Variants in PRKCE observed in about 807,000 individuals in gnomAD.
The protein encoded by PRKCE is protein kinase C epsilon type.
In PRKCE, 16 loss-of-function variants were observed where a neutral mutation model predicts 85.4. That is an observed-to-expected ratio of 0.19 (90% CI 0.13 to 0.28). PRKCE has a LOEUF of 0.28. PRKCE is among the 10% of genes least tolerant of loss of function. The pLI is 1.00. For synonymous variants in PRKCE, 388 were observed against 371.5 expected (o/e 1.04, Z -0.51); for missense variants, 573 against 975.2 (o/e 0.59, Z 5.49).
intron 6 of PRKCE, among the ~76,000 whole-genome samples, chr2:45,996,063 A>C (rs1040612739): frequency 1.6e-4 from 24 of 152,174 alleles, no homozygotes; most frequent in African/African-American, 5.5e-4. Context: ...CTACTTATAT[A>C]GATCTTGTAC....
chr2:45,700,871 C>A (rs1385696552), intron 1 of PRKCE, among the ~76,000 whole-genome samples: 1 of 152,136 alleles, frequency 6.6e-6, no homozygotes, highest in Non-Finnish European at 1.5e-5. Flanking sequence ...CCCGTGAGGA[C>A]AGACACAGAG....
At chr2:46,014,872 T>A (rs963654101) in intron 10 of PRKCE, among the ~76,000 whole-genome samples, 2 of 152,236 alleles carry the variant, frequency 1.3e-5, no homozygotes, top group African/African-American at 4.8e-5. Flanking sequence ...CTAGAAATTA[T>A]TTCCAAATCT....
chr2:45,976,480 A>G lies in PRKCE; in HGVS notation c.464A>G (p.Lys155Arg), dbSNP rs1352359034. The G allele has an allele frequency of 6.3e-7, 1 of 1,599,696 alleles. No homozygotes were observed. Among genetic ancestry groups the G allele is most frequent in the South Asian group, 1.1e-5 (1 of 91,080 alleles). ...RVFRERMRPR[K>R]RQGAVRRRVH... Reference sequence around the variant, plus strand: ...TTCAGGGAACGCATGCGGCCGAGGAAGCGGCAGGGGGCCGTCAGGCGCAGG... The same window carrying G: ...TTCAGGGAACGCATGCGGCCGAGGAGGCGGCAGGGGGCCGTCAGGCGCAGG... The change falls in exon 3 of 15, where the codon AAG becomes AGG. Residue 155 changes from lysine to arginine, a missense_variant. Transcript: ENST00000306156.
intron 1 of PRKCE, among the ~76,000 whole-genome samples, chr2:45,744,971 C>G (rs1191695197): frequency 6.6e-6 from 1 of 152,130 alleles, no homozygotes; most frequent in Non-Finnish European, 1.5e-5. Flanking sequence ...GCTCTGAAAT[C>G]TGTATTTTTC....
intron 10 of PRKCE, among the ~76,000 whole-genome samples, chr2:46,022,754 A>C (rs1358818158): frequency 6.6e-6 from 1 of 152,254 alleles, no homozygotes. Flanking sequence ...CAGAAGGTTC[A>C]ATAAATTCTA....
chr2:46,067,414 G>A (rs1450051795), intron 10 of PRKCE, among the ~76,000 whole-genome samples: 6 of 152,230 alleles, frequency 3.9e-5, no homozygotes, highest in Non-Finnish European at 5.9e-5. Flanking sequence ...GGCGCTACCT[G>A]GAAGGCAGAG....
At chr2:45,860,773 C>G (rs1278490481) in intron 2 of PRKCE, among the ~76,000 whole-genome samples, 1 of 152,138 alleles carries the variant, frequency 6.6e-6, no homozygotes, top group African/African-American at 2.4e-5. Context: ...ATGGTACACT[C>G]TTGGGGAACA....
At chr2:46,011,174 T>G (rs1705639973) in intron 10 of PRKCE, among the ~76,000 whole-genome samples, 1 of 152,346 alleles carries the variant, frequency 6.6e-6, no homozygotes, top group South Asian at 2.1e-4. Context: ...TTATCCTTTT[T>G]GAGGGGTTGG....
At chr2:45,727,877 A>G (rs944826664) in intron 1 of PRKCE, among the ~76,000 whole-genome samples, 2 of 151,824 alleles carry the variant, frequency 1.3e-5, no homozygotes, top group Non-Finnish European at 2.9e-5. Flanking sequence ...CTGGTCTCAA[A>G]CTCCTGACCT....
intron 2 of PRKCE, among the ~76,000 whole-genome samples, chr2:45,957,292 T>A (rs1701036817): frequency 6.6e-6 from 1 of 152,258 alleles, no homozygotes; most frequent in Admixed American, 6.5e-5. Flanking sequence ...TTGAGTTCAT[T>A]TTTGTAGAAG....
At chr2:45,932,036 T>C in intron 2 of PRKCE, among the ~76,000 whole-genome samples, 1 of 152,182 alleles carries the variant, frequency 6.6e-6, no homozygotes, top group Non-Finnish European at 1.5e-5. Context: ...ATTTTTAAGA[T>C]GCTGGGTGAC....
At chr2:45,670,833 A>G (rs1676124950) in intron 1 of PRKCE, among the ~76,000 whole-genome samples, 2 of 152,126 alleles carry the variant, frequency 1.3e-5, no homozygotes, top group African/African-American at 2.4e-5. Flanking sequence ...CTGCCTGACT[A>G]CTCCTTAGTA....
chr2:46,097,519 C>CAAAAAAAAAAAAAAAAAGAAAAAA (rs1670815403), intron 11 of PRKCE, among the ~76,000 whole-genome samples: 1 of 94,124 alleles, frequency 1.1e-5, no homozygotes, highest in African/African-American at 4.5e-5. Flanking sequence ...GACTCCGTCT[C>CAAAAAAAAAAAAAAAAAGAAAAAA]AAAAAAAAAA....
intron 11 of PRKCE, among the ~76,000 whole-genome samples, chr2:46,091,950 A>G (rs1377971342): frequency 4.6e-5 from 7 of 152,236 alleles, no homozygotes; most frequent in Admixed American, 3.9e-4. Context: ...AGTAGTAGTC[A>G]TAGGAAAAAT....
intron 1 of PRKCE, among the ~76,000 whole-genome samples, chr2:45,719,513 C>T (rs1030748623): frequency 6.6e-6 from 1 of 152,052 alleles, no homozygotes; most frequent in Admixed American, 6.6e-5. Flanking sequence ...AAAGCAATGG[C>T]GGGCAGTTGG....
At chr2:45,947,803 T>A (rs1700342797) in intron 2 of PRKCE, among the ~76,000 whole-genome samples, 1 of 152,236 alleles carries the variant, frequency 6.6e-6, no homozygotes, top group African/African-American at 2.4e-5. Context: ...AATTAAAACG[T>A]TTCTTTAGGA....
intron 1 of PRKCE, among the ~76,000 whole-genome samples, chr2:45,731,658 CTG>C (rs1292598386): frequency 1.5e-5 from 2 of 131,946 alleles, no homozygotes; most frequent in Admixed American, 8.6e-5. Context: ...GGGTCTCACT[CTG>C]TTGCCCAGGA....
chr2:45,696,350 C>CT (rs1223031032), intron 1 of PRKCE, among the ~76,000 whole-genome samples: 8 of 151,908 alleles, frequency 5.3e-5, no homozygotes, highest in South Asian at 2.1e-4. Flanking sequence ...GGAATAAAGC[C>CT]TTTTTTTATA....
At position 45,929,642 on chromosome 2, in the gene PRKCE, C is replaced by T. The variant is rs565755112; in HGVS notation, c.413-46787C>T. On this transcript the variant is annotated intron_variant, in intron 2 of 14. Transcript: ENST00000306156. ...TCATATTATCAAAGGTTCTTATTGC[C>T]CTGGAAATTGGTTACCATTGGGAAT... Among the ~76,000 whole-genome samples, 11 of 152,216 alleles carry T rather than the reference C, an allele frequency of 7.2e-5. No homozygotes were observed. The East Asian group carries it at 1.9e-3, about 27-fold the overall frequency.
Sources: gnomAD v4.1 joint callset for allele counts (sites outside exome capture counted in the v4.1 genomes callset) on GRCh38, gnomAD v4.1.1 for gene constraint, MANE v1.5 for transcripts, NCBI Gene and HGNC (gene_info 2026-07-23, HGNC 2026-07-21) for gene names.